PPARG: variants seen among roughly 807,000 people sequenced by gnomAD.
PPARG encodes peroxisome proliferator-activated receptor gamma.
A neutral mutation model predicts 39.2 loss-of-function variants in PPARG; 17 were observed. The ratio of observed to expected loss-of-function variants is 0.43; its 90% CI spans 0.30 to 0.65. The LOEUF (loss-of-function observed/expected upper bound fraction) is 0.65. PPARG is among the 30% of genes least tolerant of loss of function. The pLI is 0.13. For missense variants in PPARG, 406 were observed against 585.9 expected (o/e 0.69, Z 3.17); for synonymous variants, 223 against 215.7 (o/e 1.03, Z -0.30).
intron 7 of PPARG, among the ~76,000 whole-genome samples, chr3:12,422,616 A>G (rs1169438881): frequency 1.3e-5 from 2 of 152,212 alleles, no homozygotes; most frequent in South Asian, 2.1e-4. Flanking sequence ...ACAGTGGCTT[A>G]TATCTGTAAT....
intron 1 of PPARG, among the ~76,000 whole-genome samples, chr3:12,307,800 G>A (rs1296435827): frequency 5.9e-5 from 9 of 152,152 alleles, no homozygotes; most frequent in Admixed American, 2.0e-4. Flanking sequence ...GAAAGACCCC[G>A]GTAAAGAAAG....
chr3:12,409,300 C>G (rs1294094658), intron 6 of PPARG, among the ~76,000 whole-genome samples: 1 of 152,140 alleles, frequency 6.6e-6, no homozygotes, highest in East Asian at 1.9e-4. Context: ...TAAAATAATC[C>G]ATTCACTGAT....
At chr3:12,379,595 A>T in intron 2 of PPARG, 109 bp from the exon 3 acceptor site, 1 of 980,838 alleles carries the variant, frequency 1.0e-6, no homozygotes, top group South Asian at 1.4e-5. Context: ...GTGAGCGCCC[A>T]GATGAGATTA....
intron 4 of PPARG, among the ~76,000 whole-genome samples, chr3:12,383,195 C>G (rs948085251): frequency 1.3e-5 from 2 of 152,100 alleles, no homozygotes; most frequent in African/African-American, 4.8e-5. Flanking sequence ...GTTAGATTGG[C>G]TACACAAGGT....
chr3:12,430,357 C>T (rs1232039301), intron 7 of PPARG, among the ~76,000 whole-genome samples: 1 of 152,220 alleles, frequency 6.6e-6, no homozygotes, highest in African/African-American at 2.4e-5. Flanking sequence ...GTAGTCTCTG[C>T]CCTCTGATAC....
intron 1 of PPARG, among the ~76,000 whole-genome samples, chr3:12,305,350 G>A (rs10510411): frequency 0.28 from 42,352 of 152,102 alleles, 6,006 homozygotes; most frequent in East Asian, 0.33. Context: ...ACGAAATAAA[G>A]TTGGATGTCA....
chr3:12,290,923 G>A (rs2046633353), intron 1 of PPARG, among the ~76,000 whole-genome samples: 1 of 152,088 alleles, frequency 6.6e-6, no homozygotes, highest in South Asian at 2.1e-4. Flanking sequence ...ACACATTCTG[G>A]CCCACACTTT....
chr3:12,394,160 T>A (rs1487650716), intron 5 of PPARG, among the ~76,000 whole-genome samples: 1 of 152,234 alleles, frequency 6.6e-6, no homozygotes, highest in African/African-American at 2.4e-5. Context: ...ATAAACTTAT[T>A]TCATCTTCAT....
intron 2 of PPARG, among the ~76,000 whole-genome samples, chr3:12,358,152 G>A (rs1463207030): frequency 1.3e-5 from 2 of 152,140 alleles, no homozygotes; most frequent in Non-Finnish European, 2.9e-5. Context: ...AGCATTCATT[G>A]AATATCATTT....
intron 2 of PPARG, among the ~76,000 whole-genome samples, chr3:12,359,835 T>A (rs1165875737): frequency 2.6e-5 from 4 of 151,866 alleles, no homozygotes; most frequent in Non-Finnish European, 4.4e-5. Flanking sequence ...CCACCACGCC[T>A]GGCTAATTTT....
chr3:12,381,669 C>A (rs527860119), intron 4 of PPARG, among the ~76,000 whole-genome samples, 178 bp downstream of exon 4: 42 of 152,064 alleles, frequency 2.8e-4, no homozygotes, highest in Non-Finnish European at 4.3e-4. Flanking sequence ...CCTTGAGCTT[C>A]TGGGCTCAAG....
intron 2 of PPARG, among the ~76,000 whole-genome samples, chr3:12,342,349 A>G (rs371989236): frequency 6.6e-6 from 1 of 152,210 alleles, no homozygotes; most frequent in East Asian, 1.9e-4. Flanking sequence ...TAGTCATGCT[A>G]GATTTAAAAC....
At chr3:12,310,866 T>A (rs1231727274) in intron 1 of PPARG, among the ~76,000 whole-genome samples, 2 of 145,610 alleles carry the variant, frequency 1.4e-5, no homozygotes, top group Admixed American at 6.8e-5. Context: ...TTCTCATCTC[T>A]CATGTGTTTT....
chr3:12,308,959 C>T (rs944572511), intron 1 of PPARG, among the ~76,000 whole-genome samples: 2 of 152,028 alleles, frequency 1.3e-5, no homozygotes, highest in Non-Finnish European at 2.9e-5. Context: ...GTTTGAGAAC[C>T]ATTGAATTAA....
chr3:12,427,647 A>G (rs896407135), intron 7 of PPARG, among the ~76,000 whole-genome samples: 28 of 152,248 alleles, frequency 1.8e-4, no homozygotes, highest in Admixed American at 2.0e-4. Context: ...ATTTGTCCAC[A>G]GGCACACAGA....
intron 2 of PPARG, among the ~76,000 whole-genome samples, chr3:12,375,492 A>G (rs2049374920): frequency 1.3e-5 from 2 of 152,338 alleles, no homozygotes; most frequent in Non-Finnish European, 2.9e-5. Context: ...AAAACTTTGC[A>G]ATAGCATAGT....
chr3:12,395,359 C>T (rs915483065), intron 5 of PPARG, among the ~76,000 whole-genome samples: 1 of 152,170 alleles, frequency 6.6e-6, no homozygotes, highest in Non-Finnish European at 1.5e-5. Flanking sequence ...ATATCTGAAT[C>T]AGGTCTGTAT....
intron 4 of PPARG, among the ~76,000 whole-genome samples, chr3:12,385,113 A>C (rs2049825586): frequency 6.6e-6 from 1 of 152,202 alleles, no homozygotes; most frequent in Non-Finnish European, 1.5e-5. Flanking sequence ...CGCAATAAAA[A>C]GCCAGGAAAA....
At chr3:12,291,335 C>T (rs2046644292) in intron 1 of PPARG, among the ~76,000 whole-genome samples, 1 of 152,124 alleles carries the variant, frequency 6.6e-6, no homozygotes, top group African/African-American at 2.4e-5. Flanking sequence ...AATTTGACTC[C>T]ACAAAAGAAT....
Sources: allele counts gnomAD v4.1 joint callset (sites outside exome capture counted in the v4.1 genomes callset), GRCh38; gene constraint gnomAD v4.1.1; transcripts MANE v1.5; gene names NCBI Gene and HGNC (gene_info 2026-07-23, HGNC 2026-07-21).